ROR2: variants seen among roughly 807,000 people sequenced by gnomAD.
The protein encoded by ROR2 is ROR family WNT receptor 2, also known as tyrosine-protein kinase transmembrane receptor ROR2.
A neutral mutation model predicts 74.9 loss-of-function variants in ROR2; 33 were observed. The ratio of observed to expected loss-of-function variants is 0.44; its 90% CI spans 0.33 to 0.59. The LOEUF (loss-of-function observed/expected upper bound fraction) is 0.59, where lower values mean the gene tolerates loss of function less well. Among genes scored for constraint, ROR2 ranks in the 20% least tolerant of loss-of-function variants. The probability of loss-of-function intolerance (pLI) is 0.02; values close to 1 mark genes in which losing one functional copy is unlikely to be tolerated. For missense variants in ROR2, 1,216 were observed against 1,313.8 expected (o/e 0.93, Z 1.15); for synonymous variants, 586 against 558.7 (o/e 1.05, Z -0.69).
chr9:91,880,405 T>C (rs1830076054), intron 1 of ROR2, among the ~76,000 whole-genome samples: 1 of 152,218 alleles, frequency 6.6e-6, no homozygotes, highest in Non-Finnish European at 1.5e-5. Flanking sequence ...ATTTAAAGCA[T>C]TTGTAGGTGC....
intron 1 of ROR2, among the ~76,000 whole-genome samples, chr9:91,860,160 T>C (rs920164836): frequency 6.6e-6 from 1 of 152,118 alleles, no homozygotes; most frequent in Non-Finnish European, 1.5e-5. Flanking sequence ...CTGACCAGGT[T>C]AGACCTTCGC....
chr9:91,737,437 ATAAATGGTCCGG>A lies in ROR2; in HGVS notation c.564_575del (p.Arg189_Tyr192del). 1 of 1,614,202 alleles carries A rather than the reference ATAAATGGTCCGG, an allele frequency of 6.2e-7. No individual in the cohort carries two copies. Among genetic ancestry groups the A allele is most frequent in the Non-Finnish European group, 8.5e-7 (1 of 1,180,048 alleles). ...CCCCCTGCATCTGAAGCGAGTCCAC[ATAAATGGTCCGG>A]TTGCCAATGAAGCGTGCACAGGCAA... On this transcript the variant is annotated inframe_deletion, in exon 5 of 9. Coordinates refer to ENST00000375708, the MANE Select transcript of ROR2 (RefSeq NM_004560.4).
In ROR2 at chr9:91,757,296, T is replaced by C. The variant is rs1437965966; in HGVS notation, c.439A>G (p.Thr147Ala). 3.1e-6 allele frequency: 5 copies of C among 1,613,934 alleles called. No homozygotes were observed. The highest frequency in any genetic ancestry group is 4.2e-6 in the Non-Finnish European group (5 of 1,180,036). ...ATNGMKTITA[T>A]GVLFVRLGPT... The stretch of plus-strand genomic sequence containing the variant: ...CCCAGCCGCACAAACAGGACGCCAG[T>C]GGCGGTAATGGTCTTCATCCCGTTG... The change falls in exon 3 of 9, where the codon ACT (threonine) becomes GCT (alanine). Residue 147 changes from threonine to alanine, a missense_variant. By Grantham distance (58) the Thr-to-Ala change is moderately conservative. Transcript: ENST00000375708.
intron 6 of ROR2, among the ~76,000 whole-genome samples, chr9:91,731,569 C>T (rs1473157375): frequency 6.6e-6 from 1 of 152,202 alleles, no homozygotes; most frequent in Non-Finnish European, 1.5e-5. Flanking sequence ...GGCCACGCCA[C>T]CTCCATGGAG....
chr9:91,790,126 A>G (rs1391012061), intron 1 of ROR2, among the ~76,000 whole-genome samples: 1 of 152,184 alleles, frequency 6.6e-6, no homozygotes, highest in Non-Finnish European at 1.5e-5. Context: ...CTTATCACCT[A>G]GTTACATTGT....
At chr9:91,805,511 T>G (rs549709677) in intron 1 of ROR2, among the ~76,000 whole-genome samples, 1 of 152,262 alleles carries the variant, frequency 6.6e-6, no homozygotes, top group African/African-American at 2.4e-5. Flanking sequence ...GCAGGAAGCC[T>G]AAACAGGCTG....
intron 1 of ROR2, among the ~76,000 whole-genome samples, chr9:91,932,889 G>T (rs1047252262): frequency 9.2e-5 from 14 of 152,176 alleles, no homozygotes; most frequent in African/African-American, 3.4e-4. Flanking sequence ...AGATGAAAAT[G>T]CCAGATGATT....
intron 1 of ROR2, among the ~76,000 whole-genome samples, chr9:91,819,932 G>T (rs1306517103): frequency 6.6e-6 from 1 of 151,936 alleles, no homozygotes; most frequent in Non-Finnish European, 1.5e-5. Flanking sequence ...ATGTGTCTGT[G>T]TGTGTGCCTC....
intron 1 of ROR2, among the ~76,000 whole-genome samples, chr9:91,944,925 G>A (rs576544279): frequency 1.3e-5 from 2 of 152,108 alleles, no homozygotes; most frequent in Non-Finnish European, 1.5e-5. Context: ...GCACGGTAGC[G>A]CGTGCCTGTG....
At chr9:91,867,418 G>C (rs1385006075) in intron 1 of ROR2, among the ~76,000 whole-genome samples, 1 of 152,178 alleles carries the variant, frequency 6.6e-6, no homozygotes, top group Non-Finnish European at 1.5e-5. Context: ...GGTCTCAAGA[G>C]GTGGTCAAAC....
intron 1 of ROR2, among the ~76,000 whole-genome samples, chr9:91,940,897 G>A (rs953294047): frequency 6.7e-6 from 1 of 149,168 alleles, no homozygotes; most frequent in Non-Finnish European, 1.5e-5. Context: ...CCACCACCTC[G>A]CCGGGCCTTG....
chr9:91,731,817 AG>A (rs1186344242), intron 6 of ROR2, among the ~76,000 whole-genome samples: 3 of 152,202 alleles, frequency 2.0e-5, no homozygotes, highest in Admixed American at 1.3e-4. Flanking sequence ...CAGGAGGCTG[AG>A]GCAGGGGAAT....
Position 91,726,572 on chromosome 9 carries a change from A to G in ROR2, c.1355T>C (p.Met452Thr), listed in dbSNP as rs1313126521. 1.2e-6 allele frequency: 2 copies of G among 1,612,976 alleles called. No homozygotes were observed. The highest frequency in any genetic ancestry group is 1.7e-6 in the Non-Finnish European group (2 of 1,180,024). ...RQLMASPSQD[M>T]EMPLINQHKQ... Reference sequence around the variant, plus strand: ...GTGCTGGTTAATGAGGGGCATTTCCATGTCTTGGCTGGGCGAGGCCATCAG... The same window carrying G: ...GTGCTGGTTAATGAGGGGCATTTCCGTGTCTTGGCTGGGCGAGGCCATCAG... Residue 452 changes from methionine (M) to threonine (T), a missense_variant, in exon 8 of 9, where the codon ATG becomes ACG. Transcript: ENST00000375708.
intron 1 of ROR2, among the ~76,000 whole-genome samples, chr9:91,921,586 G>C (rs1189680555): frequency 3.9e-5 from 6 of 152,144 alleles, no homozygotes; most frequent in Non-Finnish European, 7.3e-5. Context: ...AAATGAAGCC[G>C]GGTGTGGTAG....
At chr9:91,910,178 G>A (rs1830939005) in intron 1 of ROR2, among the ~76,000 whole-genome samples, 1 of 152,040 alleles carries the variant, frequency 6.6e-6, no homozygotes, top group South Asian at 2.1e-4. Context: ...CTTTTAACCT[G>A]TCAATTTAGC....
chr9:91,781,550 C>G (rs999906472), intron 1 of ROR2, among the ~76,000 whole-genome samples: 1 of 152,192 alleles, frequency 6.6e-6, no homozygotes, highest in Non-Finnish European at 1.5e-5. Context: ...TAGCAAAGAG[C>G]CTTGAGACTG....
chr9:91,909,919 G>A (rs1271734458), intron 1 of ROR2, among the ~76,000 whole-genome samples: 8 of 125,872 alleles, frequency 6.4e-5, no homozygotes, highest in Middle Eastern at 5.5e-3. Flanking sequence ...CTGAAGTGCA[G>A]TGGCGCAATC....
chr9:91,924,374 G>A (rs1831344342), intron 1 of ROR2, among the ~76,000 whole-genome samples: 1 of 152,236 alleles, frequency 6.6e-6, no homozygotes, highest in Non-Finnish European at 1.5e-5. Flanking sequence ...TGGAGTGACA[G>A]GCAGCTTCAA....
chr9:91,861,422 G>A (rs920229931), intron 1 of ROR2, among the ~76,000 whole-genome samples: 1 of 152,230 alleles, frequency 6.6e-6, no homozygotes. Flanking sequence ...CAGATCTACA[G>A]ATGAGTGGAA....
Sources: gnomAD v4.1 joint callset for allele counts (sites outside exome capture counted in the v4.1 genomes callset) on GRCh38, gnomAD v4.1.1 for gene constraint, MANE v1.5 for transcripts, NCBI Gene and HGNC (gene_info 2026-07-23, HGNC 2026-07-21) for gene names.